Variants in TNF observed in about 807,000 individuals in gnomAD.
The protein encoded by TNF is tumor necrosis factor.
TNF carries 7 observed loss-of-function variants against 21.8 expected under a neutral mutation model. The observed-to-expected ratio is 0.32, with a 90% CI of 0.18 to 0.60. The LOEUF is 0.60. TNF is among the 20% of genes least tolerant of loss of function. The probability of loss-of-function intolerance (pLI) is 0.84; values close to 1 mark genes in which losing one functional copy is unlikely to be tolerated. For missense variants in TNF, 216 were observed against 296.6 expected (o/e 0.73, Z 2.00); for synonymous variants, 123 against 130.2 (o/e 0.94, Z 0.38).
At chr6:31,576,394 C>A in intron 1 of TNF, 140 bp from the exon 2 acceptor site, 1 of 786,502 alleles carries the variant, frequency 1.3e-6, no homozygotes. Flanking sequence ...CTGTTGAATG[C>A]CTGGAAGGTG....
rs752568182 is a variant in TNF, at chr6:31,577,544, C to T, written c.*7C>T. 49 of 1,612,942 alleles carry T rather than the reference C, an allele frequency of 3.0e-5. No individual in the cohort carries two copies. Among genetic ancestry groups the T allele is most frequent in the African/African-American group, 5.3e-5 (4 of 74,914 alleles). On this transcript the variant is annotated 3_prime_UTR_variant, in exon 4 of 4. Coordinates refer to ENST00000449264, the MANE Select transcript of TNF (RefSeq NM_000594.4). The surrounding 1 kb of genome is among the most constrained non-coding windows in gnomAD (Gnocchi z 7.7). ...TGGGATCATTGCCCTGTGAGGAGGA[C>T]GAACATCCAACCTTCCCAAACGCCT...
intron 1 of TNF, 102 bp from the exon 2 acceptor site, chr6:31,576,432 C>T: frequency 8.6e-7 from 1 of 1,160,190 alleles, no homozygotes; most frequent in Non-Finnish European, 1.2e-6. Flanking sequence ...AGAGAGAAAA[C>T]CAGACACCTC....
chr6:31,576,512 C>G, intron 1 of TNF, 22 bp from the exon 2 acceptor site: 1 of 1,612,976 alleles, frequency 6.2e-7, no homozygotes, highest in Non-Finnish European at 8.5e-7. Flanking sequence ...TCGATGTTAA[C>G]CATTCTCCTT....
Position 31,575,680 on chromosome 6 carries a change from A to G in TNF, c.-62A>G. On this transcript the variant is annotated 5_prime_UTR_variant, in exon 1 of 4. Coordinates refer to ENST00000449264, the MANE Select transcript of TNF (RefSeq NM_000594.4). The surrounding 1 kb of genome is among the most constrained non-coding windows in gnomAD (Gnocchi z 6.2). ...CACATCCCCTGACAAGCTGCCAGGC[A>G]GGTTCTCTTCCTCTCACATACTGAC... is the stretch of plus-strand genomic sequence containing the variant. 1.4e-6 allele frequency: 2 copies of G among 1,434,162 alleles called. No homozygotes were observed. The highest frequency in any genetic ancestry group is 1.9e-6 in the Non-Finnish European group (2 of 1,080,924). The allele number at this position is 1,434,162 out of a possible 1,614,324, so 88.8% of individuals were successfully genotyped here.
At chr6:31,576,724 A>G in intron 2 of TNF, 43 bp from the exon 3 acceptor site, 2 of 1,611,630 alleles carry the variant, frequency 1.2e-6, no homozygotes, top group Non-Finnish European at 1.7e-6. Flanking sequence ...ATTTTCTAGG[A>G]AGTTTAAGGG....
Position 31,577,868 on chromosome 6 carries a change from A to T in TNF, c.*331A>T. ...GGCCAGAATGCTGCAGGACTTGAGA[A>T]GACCTCACCTAGAAATTGACACAAG... On this transcript the variant is annotated 3_prime_UTR_variant, in exon 4 of 4. Transcript: ENST00000449264. This position sits in a 1 kb window ranked among gnomAD's most constrained non-coding sequence, Gnocchi z 7.7. 2.2e-6 allele frequency: 1 copy of T among 458,544 alleles called. No homozygotes were observed. Among genetic ancestry groups the T allele is most frequent in the Non-Finnish European group, 4.0e-6 (1 of 252,250 alleles). 28.4% of individuals were successfully genotyped at this position (458,544 alleles called of 1,614,324 possible). A position where few individuals can be genotyped will look rare whatever the true frequency, so the allele number is the denominator to read the frequency against.
Position 31,577,613 on chromosome 6 carries a change from C to A in TNF, c.*76C>A. Reference sequence around the variant, plus strand: ...TATTACCCCCTCCTTCAGACACCCTCAACCTCTTCTGGCTCAAAAAGAGAA... The same window carrying A: ...TATTACCCCCTCCTTCAGACACCCTAAACCTCTTCTGGCTCAAAAAGAGAA... On this transcript the variant is annotated 3_prime_UTR_variant, in exon 4 of 4. Coordinates refer to ENST00000449264, the MANE Select transcript of TNF (RefSeq NM_000594.4). This position sits in a 1 kb window ranked among gnomAD's most constrained non-coding sequence, Gnocchi z 7.7. 1 of 1,566,596 alleles carries A rather than the reference C, an allele frequency of 6.4e-7. No homozygotes were observed. Among genetic ancestry groups the A allele is most frequent in the African/African-American group, 1.3e-5 (1 of 74,298 alleles).
At position 31,577,104 on chromosome 6, in the gene TNF, C is replaced by T; in HGVS notation, c.281-12C>T. 1 of 1,592,430 alleles carries T rather than the reference C, an allele frequency of 6.3e-7. No homozygotes were observed. The highest frequency in any genetic ancestry group is 8.5e-7 in the Non-Finnish European group (1 of 1,169,922). ...CACACTGACTCTCCTCTCCCTCTCT[C>T]CCTCCCTCCAGCAAACCCTCAAGCT... On this transcript the variant is annotated splice_polypyrimidine_tract_variant and intron_variant, in intron 3 of 3. Transcript: ENST00000449264. This position sits in a 1 kb window ranked among gnomAD's most constrained non-coding sequence, Gnocchi z 7.7.
At chr6:31,576,950 C>A in intron 3 of TNF, 136 bp downstream of exon 3, 1 of 1,358,464 alleles carries the variant, frequency 7.4e-7, no homozygotes, top group Non-Finnish European at 1.0e-6. Context: ...AGGAACAGCA[C>A]AGGCCTTAGT....
intron 1 of TNF, 78 bp from the exon 2 acceptor site, chr6:31,576,456 C>A: frequency 6.9e-7 from 1 of 1,456,486 alleles, no homozygotes; most frequent in Non-Finnish European, 9.5e-7. Context: ...GCTAAGAGCG[C>A]AGGCCAGACA....
Position 31,576,786 on chromosome 6 carries a change from G to A in TNF, c.252G>A (p.Pro84=), listed in dbSNP as rs745738344. 1.3e-5 allele frequency: 21 copies of A among 1,612,904 alleles called. No homozygotes were observed. The highest frequency in any genetic ancestry group is 2.7e-5 in the African/African-American group (2 of 74,886). ...CTTCAGGATCATCTTCTCGAACCCC[G>A]AGTGACAAGCCTGTAGCCCATGTTG... is the stretch of plus-strand genomic sequence containing the variant. ...AQAVRSSSRT[P]SDKPVAHVVA... The change falls in exon 3 of 4, where the codon CCG becomes CCA. Residue 84 remains proline, a synonymous_variant. Coordinates refer to ENST00000449264, the MANE Select transcript of TNF (RefSeq NM_000594.4).
intron 3 of TNF, 60 bp downstream of exon 3, chr6:31,576,874 C>T (rs1220953434): frequency 1.5e-5 from 23 of 1,584,906 alleles, no homozygotes; most frequent in Admixed American, 3.3e-5. Flanking sequence ...GATTGAAGCC[C>T]GGCTGATGGT....
At position 31,575,953 on chromosome 6, in the gene TNF, AC is replaced by A. The variant is rs770557508; in HGVS notation, c.186+27del. On this transcript the variant is annotated intron_variant, in intron 1 of 3. Transcript: ENST00000449264. This position sits in a 1 kb window ranked among gnomAD's most constrained non-coding sequence, Gnocchi z 6.2. ...GTGAGTGCCTGGCCAGCCTTCATCC[AC>A]TCTCCCACCCAAGGGGAAATGGAGA... 2 of 1,473,496 alleles carry A rather than the reference AC, an allele frequency of 1.4e-6. No homozygotes were observed. The highest frequency in any genetic ancestry group is 1.8e-6 in the Non-Finnish European group (2 of 1,106,360). 91.3% of individuals were successfully genotyped at this position (1,473,496 alleles called of 1,614,324 possible).
chr6:31,575,803 CA>C lies in TNF; in HGVS notation c.63del (p.Gln25ArgfsTer15). 1 of 1,611,382 alleles carries C rather than the reference CA, an allele frequency of 6.2e-7. No homozygotes were observed. Among genetic ancestry groups the C allele is most frequent in the Non-Finnish European group, 8.5e-7 (1 of 1,178,774 alleles). On this transcript the variant is annotated frameshift_variant, in exon 1 of 4. Transcript: ENST00000449264. LOFTEE classifies it high-confidence loss of function. This position sits in a 1 kb window ranked among gnomAD's most constrained non-coding sequence, Gnocchi z 6.2. ...ELAEEALPKK[T>X]GGPQGSRRCL... ...GCCGAGGAGGCGCTCCCCAAGAAGA[CA>C]GGGGGGCCCCAGGGCTCCAGGCGGT... is the stretch of plus-strand genomic sequence containing the variant.
chr6:31,576,785 C>T lies in TNF; in HGVS notation c.251C>T (p.Pro84Leu), dbSNP rs4645843. 2,927 of 1,612,964 alleles carry T rather than the reference C, an allele frequency of 1.8e-3. 24 individuals are homozygous for T. The highest frequency in any genetic ancestry group is 0.018 in the Middle Eastern group (110 of 6,062). Residue 84 changes from proline (P) to leucine (L), a missense_variant, in exon 3 of 4, where the codon CCG becomes CTG. Coordinates refer to ENST00000449264, the MANE Select transcript of TNF (RefSeq NM_000594.4). The part of the protein sequence containing the change: ...AQAVRSSSRT[P>L]SDKPVAHVVA... The stretch of plus-strand genomic sequence containing the variant: ...TCTTCAGGATCATCTTCTCGAACCC[C>T]GAGTGACAAGCCTGTAGCCCATGTT...
chr6:31,575,796 A>G lies in TNF; in HGVS notation c.55A>G (p.Lys19Glu). The part of the protein sequence containing the change: ...DVELAEEALP[K>E]KTGGPQGSRR... ...GGAGCTGGCCGAGGAGGCGCTCCCC[A>G]AGAAGACAGGGGGGCCCCAGGGCTC... The change falls in exon 1 of 4, where the codon AAG (lysine) becomes GAG (glutamate). Residue 19 changes from lysine (K) to glutamate (E), a missense_variant. Around this residue, in one of 2 missense-constraint regions of TNF, gnomAD observed 118 missense variants for 127.1 expected, o/e 0.93. Coordinates refer to ENST00000449264, the MANE Select transcript of TNF (RefSeq NM_000594.4). This position sits in a 1 kb window ranked among gnomAD's most constrained non-coding sequence, Gnocchi z 6.2. 1 of 1,610,424 alleles carries G rather than the reference A, an allele frequency of 6.2e-7. No individual in the cohort carries two copies. The highest frequency in any genetic ancestry group is 8.5e-7 in the Non-Finnish European group (1 of 1,178,356).
Position 31,577,541 on chromosome 6 carries a change from G to A in TNF, c.*4G>A, listed in dbSNP as rs190947828. ...CTTTGGGATCATTGCCCTGTGAGGA[G>A]GACGAACATCCAACCTTCCCAAACG... On this transcript the variant is annotated 3_prime_UTR_variant, in exon 4 of 4. Coordinates refer to ENST00000449264, the MANE Select transcript of TNF (RefSeq NM_000594.4). This position sits in a 1 kb window ranked among gnomAD's most constrained non-coding sequence, Gnocchi z 7.7. The A allele has an allele frequency of 3.3e-5, 54 of 1,613,084 alleles. No homozygotes were observed. The highest frequency in any genetic ancestry group is 3.6e-5 in the Non-Finnish European group (43 of 1,180,022).
chr6:31,575,586 G>A lies in TNF; in HGVS notation c.-156G>A, dbSNP rs1771134278. On this transcript the variant is annotated 5_prime_UTR_variant, in exon 1 of 4. Coordinates refer to ENST00000449264, the MANE Select transcript of TNF (RefSeq NM_000594.4). This position sits in a 1 kb window ranked among gnomAD's most constrained non-coding sequence, Gnocchi z 6.2. The stretch of plus-strand genomic sequence containing the variant: ...AGCCAGCAGACGCTCCCTCAGCAAG[G>A]ACAGCAGAGGACCAGCTAAGAGGGA... 3.0e-6 allele frequency: 2 copies of A among 670,244 alleles called. No individual in the cohort carries two copies. The highest frequency in any genetic ancestry group is 5.0e-6 in the Non-Finnish European group (2 of 402,416). 41.5% of individuals were successfully genotyped at this position (670,244 alleles called of 1,614,324 possible). A position where few individuals can be genotyped will look rare whatever the true frequency, so the allele number is the denominator to read the frequency against.
intron 1 of TNF, among the ~76,000 whole-genome samples, chr6:31,576,220 C>T (rs1241450020): frequency 6.6e-6 from 1 of 151,702 alleles, no homozygotes; most frequent in African/African-American, 2.4e-5. Flanking sequence ...GATATGGAGA[C>T]AGATGTGGGG....
Sources: allele counts gnomAD v4.1 joint callset (sites outside exome capture counted in the v4.1 genomes callset), GRCh38; gene constraint gnomAD v4.1.1; regional missense constraint gnomAD v4.1.1; non-coding constraint Gnocchi (gnomAD v3.1); transcripts MANE v1.5; gene names NCBI Gene and HGNC (gene_info 2026-07-23, HGNC 2026-07-21).